The following LPAR1 variants were observed in gnomAD, a reference collection of about 807,000 sequenced individuals.
The protein encoded by LPAR1 is LPA receptor 1.
Under a neutral mutation model 23.8 loss-of-function variants are expected in LPAR1, and 5 were observed. That is an observed-to-expected ratio of 0.21 (90% confidence interval 0.11 to 0.44). The LOEUF (loss-of-function observed/expected upper bound fraction) is 0.44. LPAR1 is among the 20% of genes least tolerant of loss of function. The pLI is 0.99. For missense variants in LPAR1, 311 were observed against 482.8 expected (o/e 0.64, Z 3.33); for synonymous variants, 160 against 164.7 (o/e 0.97, Z 0.22).
intron 4 of LPAR1, among the ~76,000 whole-genome samples, chr9:110,947,011 G>A (rs2095406917): frequency 6.9e-6 from 1 of 145,868 alleles, no homozygotes; most frequent in African/African-American, 2.5e-5. Context: ...CCACTGAACT[G>A]AATAATACAC....
chr9:110,972,392 G>A (rs2096452792), intron 3 of LPAR1, among the ~76,000 whole-genome samples, 172 bp from the exon 4 acceptor site: 1 of 152,156 alleles, frequency 6.6e-6, no homozygotes, highest in South Asian at 2.1e-4. Context: ...CGACTTCTGT[G>A]CTATCTGTCC....
chr9:110,974,607 C>G (rs2096510291), intron 2 of LPAR1, among the ~76,000 whole-genome samples: 1 of 152,204 alleles, frequency 6.6e-6, no homozygotes, highest in Non-Finnish European at 1.5e-5. Context: ...TCTCCCATTA[C>G]AGCAATTATT....
chr9:110,912,355 A>C (rs1377765071), intron 5 of LPAR1, among the ~76,000 whole-genome samples: 3 of 152,174 alleles, frequency 2.0e-5, no homozygotes, highest in Non-Finnish European at 2.9e-5. Flanking sequence ...ATTTCTTTAC[A>C]AATGCAAATA....
intron 2 of LPAR1, among the ~76,000 whole-genome samples, chr9:110,979,401 T>A (rs571236370): frequency 6.6e-6 from 1 of 150,532 alleles, no homozygotes; most frequent in East Asian, 2.0e-4. Flanking sequence ...AATAAAAGAG[T>A]AAAGGAAATG....
chr9:110,949,428 A>G (rs1040110452), intron 4 of LPAR1, among the ~76,000 whole-genome samples: 5 of 152,184 alleles, frequency 3.3e-5, no homozygotes, highest in African/African-American at 1.2e-4. Context: ...CATTGTTTCT[A>G]TTCTTTAATG....
At chr9:110,954,388 AAAG>A (rs1308730261) in intron 4 of LPAR1, among the ~76,000 whole-genome samples, 4 of 152,226 alleles carry the variant, frequency 2.6e-5, no homozygotes, top group Non-Finnish European at 5.9e-5. Flanking sequence ...AATGAAAGGG[AAAG>A]AAGACCTATT....
At position 110,968,819 on chromosome 9, in the gene LPAR1, A is replaced by G. The variant is rs73657216; in HGVS notation, c.45+3254T>C. 7.1e-3 allele frequency among the ~76,000 whole-genome samples: 1,088 copies of G among 152,308 alleles called. 15 individuals are homozygous for G. The highest frequency in any genetic ancestry group is 0.025 in the African/African-American group (1,020 of 41,564). The stretch of plus-strand genomic sequence containing the variant: ...TATGCACTGGGCAATATGTGCCCAG[A>G]ATATGTGCCAGGCACTATTCTGAGC... On this transcript the variant is annotated intron_variant, in intron 4 of 5. Transcript: ENST00000683809.
intron 2 of LPAR1, among the ~76,000 whole-genome samples, chr9:110,988,142 C>G (rs2096827294): frequency 1.3e-5 from 2 of 151,794 alleles, no homozygotes; most frequent in African/African-American, 4.8e-5. Context: ...AAAAAATGTT[C>G]AGAGGTGAAA....
chr9:111,020,068 C>A (rs558122105), intron 2 of LPAR1, among the ~76,000 whole-genome samples: 1 of 152,222 alleles, frequency 6.6e-6, no homozygotes, highest in South Asian at 2.1e-4. Context: ...CATAAGGCCA[C>A]CAATCCTATC....
intron 5 of LPAR1, among the ~76,000 whole-genome samples, chr9:110,938,964 C>T (rs1439587192): frequency 6.6e-6 from 1 of 152,198 alleles, no homozygotes; most frequent in Non-Finnish European, 1.5e-5. Flanking sequence ...GATAGCCCTG[C>T]TCTGCCTTTG....
chr9:110,919,673 T>C (rs1564465283), intron 5 of LPAR1, among the ~76,000 whole-genome samples: 1 of 152,194 alleles, frequency 6.6e-6, no homozygotes, highest in Non-Finnish European at 1.5e-5. Context: ...TCTCCCACAT[T>C]AGATGTTCCA....
intron 4 of LPAR1, among the ~76,000 whole-genome samples, chr9:110,951,585 A>G (rs2095570319): frequency 6.6e-6 from 1 of 152,252 alleles, no homozygotes; most frequent in South Asian, 2.1e-4. Context: ...CTGCAGTGAG[A>G]TCCAATTTAT....
At chr9:110,966,171 T>C (rs944784319) in intron 4 of LPAR1, among the ~76,000 whole-genome samples, 1 of 151,858 alleles carries the variant, frequency 6.6e-6, no homozygotes, top group Non-Finnish European at 1.5e-5. Context: ...AAATACCTAT[T>C]GTATGCGGGC....
chr9:110,982,861 TACACAC>T (rs55748505), intron 2 of LPAR1, among the ~76,000 whole-genome samples: 291 of 140,088 alleles, frequency 2.1e-3, no homozygotes, highest in African/African-American at 6.5e-3. Context: ...TATATACACA[TACACAC>T]ACACACACAC....
chr9:110,908,748 C>T (rs555291881), intron 5 of LPAR1, among the ~76,000 whole-genome samples: 1 of 152,222 alleles, frequency 6.6e-6, no homozygotes, highest in Non-Finnish European at 1.5e-5. Flanking sequence ...AGGGAAAGGG[C>T]AGGTGTGACC....
chr9:111,034,408 G>GA (rs148046898), intron 2 of LPAR1, among the ~76,000 whole-genome samples: 8,806 of 151,956 alleles, frequency 0.058, 350 homozygotes, highest in Non-Finnish European at 0.088. Flanking sequence ...AAAGAGAGGG[G>GA]AAAAAAAATG....
At chr9:110,883,605 T>C (rs957427283) in intron 5 of LPAR1, among the ~76,000 whole-genome samples, 1 of 152,220 alleles carries the variant, frequency 6.6e-6, no homozygotes, top group Non-Finnish European at 1.5e-5. Flanking sequence ...GTGATGCCCT[T>C]AATTCTCTTA....
At chr9:110,897,601 A>T (rs2086884465) in intron 5 of LPAR1, among the ~76,000 whole-genome samples, 1 of 152,216 alleles carries the variant, frequency 6.6e-6, no homozygotes, top group South Asian at 2.1e-4. Flanking sequence ...CTGAATGTGG[A>T]ACAGCATTTG....
At chr9:110,990,109 C>T (rs1025708690) in intron 2 of LPAR1, among the ~76,000 whole-genome samples, 11 of 151,798 alleles carry the variant, frequency 7.2e-5, no homozygotes, top group Admixed American at 3.3e-4. Context: ...TTGAAACATA[C>T]GAAGTAAAAA....
Sources: allele counts gnomAD v4.1 joint callset (sites outside exome capture counted in the v4.1 genomes callset), GRCh38; gene constraint gnomAD v4.1.1; transcripts MANE v1.5; gene names NCBI Gene and HGNC (gene_info 2026-07-23, HGNC 2026-07-21).